The following RRP1B variants were observed in gnomAD, a reference collection of about 807,000 sequenced individuals.
RRP1B encodes the protein ribosomal RNA processing 1B, also known as ribosomal RNA processing protein 1 homolog B.
In RRP1B, 56 loss-of-function variants were observed where a neutral mutation model predicts 80.2. That is an observed-to-expected ratio of 0.70 (90% CI 0.56 to 0.87). The LOEUF (loss-of-function observed/expected upper bound fraction) is 0.87, where lower values mean the gene tolerates loss of function less well. Among genes scored for constraint, RRP1B ranks in the 40% least tolerant of loss-of-function variants. RRP1B has a pLI of 0.00. For missense variants in RRP1B, 807 were observed against 939.8 expected (o/e 0.86, Z 1.85); for synonymous variants, 351 against 357.6 (o/e 0.98, Z 0.21).
chr21:43,664,161 G>A lies in RRP1B; in HGVS notation c.130+4367G>A, dbSNP rs7279214. Among the ~76,000 whole-genome samples, 867 of 152,020 alleles carry A rather than the reference G, an allele frequency of 5.7e-3. 3 individuals are homozygous for A. Among genetic ancestry groups the A allele is most frequent in the African/African-American group, 0.02 (813 of 41,496 alleles). ...GTTTTAAAAGGGAACAAAATGGGCC[G>A]GGCGCAGTGGCTCACGCCTGTAATC... On this transcript the variant is annotated intron_variant, in intron 1 of 15. Transcript: ENST00000340648.
chr21:43,675,154 G>A lies in RRP1B; in HGVS notation c.540G>A (p.Gly180=), dbSNP rs761351336. 3.1e-6 allele frequency: 5 copies of A among 1,613,824 alleles called. No homozygotes were observed. In the South Asian group the frequency reaches 4.4e-5, roughly 14 times the overall value. The stretch of plus-strand genomic sequence containing the variant: ...ACCTGGATGAACTCTCCAAAGTCGG[G>A]GGGAAGGAGGTAAGCAGCTGCCGAC... ...DIYLDELSKV[G]GKELLADQNL... Residue 180 remains glycine, a synonymous_variant, in exon 6 of 16, where the codon GGG becomes GGA. Transcript: ENST00000340648.
chr21:43,660,319 T>G (rs565208017), intron 1 of RRP1B, among the ~76,000 whole-genome samples: 117 of 152,298 alleles, frequency 7.7e-4, no homozygotes, highest in Non-Finnish European at 1.1e-3. Context: ...ATCCCAGCAC[T>G]CTGGGAAGCC....
chr21:43,681,786 TA>T (rs1259426475), intron 8 of RRP1B, among the ~76,000 whole-genome samples: 1 of 144,880 alleles, frequency 6.9e-6, no homozygotes, highest in Non-Finnish European at 1.5e-5. Context: ...ACCTTGACTT[TA>T]CAAAAATTTT....
chr21:43,690,469 A>G (rs760312583), intron 14 of RRP1B, 29 bp downstream of exon 14: 2 of 1,608,496 alleles, frequency 1.2e-6, no homozygotes, highest in Non-Finnish European at 1.7e-6. Flanking sequence ...GTGGCACAGC[A>G]CATTTCACCA....
intron 8 of RRP1B, among the ~76,000 whole-genome samples, chr21:43,679,882 G>A (rs1211341352): frequency 6.6e-6 from 1 of 152,114 alleles, no homozygotes; most frequent in Non-Finnish European, 1.5e-5. Flanking sequence ...TATTCCTAAG[G>A]TTTTTGAGGT....
Position 43,686,886 on chromosome 21 carries a change from GA to G in RRP1B, c.1094del (p.Lys365ArgfsTer7). The G allele has an allele frequency of 6.2e-7, 1 of 1,614,038 alleles. No homozygotes were observed. The highest frequency in any genetic ancestry group is 8.5e-7 in the Non-Finnish European group (1 of 1,179,964). On this transcript the variant is annotated frameshift_variant, in exon 12 of 16. Coordinates refer to ENST00000340648, the MANE Select transcript of RRP1B (RefSeq NM_015056.3). LOFTEE classifies it high-confidence loss of function. The part of the protein sequence containing the change: ...DQILSQGKHK[K>X]KGNKLLEKTN... The stretch of plus-strand genomic sequence containing the variant: ...AAATCCTCAGTCAAGGAAAGCATAA[GA>G]AGAAAGGAAATAAACTTTTAGAGAA...
intron 9 of RRP1B, among the ~76,000 whole-genome samples, chr21:43,684,261 C>T (rs1172584006): frequency 4.6e-5 from 7 of 151,658 alleles, no homozygotes; most frequent in East Asian, 3.9e-4. Context: ...TTAGTAGAGA[C>T]GGGGTTTTGC....
rs2083065355 is a variant in RRP1B, at chr21:43,686,923, G to A, written c.1129G>A (p.Glu377Lys). 1 of 1,613,382 alleles carries A rather than the reference G, an allele frequency of 6.2e-7. No homozygotes were observed. The highest frequency in any genetic ancestry group is 1.1e-5 in the South Asian group (1 of 91,032). ...TAAACTTTTAGAGAAAACTAACTTG[G>A]AAAAGGAGAAAGGTAAGCTGTAAAG... is the stretch of plus-strand genomic sequence containing the variant. The part of the protein sequence containing the change: ...GNKLLEKTNL[E>K]KEKGSRVFCV... The change falls in exon 12 of 16, where the codon GAA becomes AAA. Residue 377 changes from glutamate to lysine, a missense_variant. Physicochemically the swap from Glu to Lys is moderately conservative, Grantham distance 56. Transcript: ENST00000340648.
chr21:43,672,301 T>C lies in RRP1B; in HGVS notation c.214-7T>C. 6.2e-7 allele frequency: 1 copy of C among 1,614,024 alleles called. No homozygotes were observed. The highest frequency in any genetic ancestry group is 8.5e-7 in the Non-Finnish European group (1 of 1,179,928). ...CCCCATGTTTCTCCCCAACCCCGCC[T>C]CTGCAGGAAGAGCTCGCCAACACCA... On this transcript the variant is annotated splice_polypyrimidine_tract_variant and splice_region_variant and intron_variant, in intron 2 of 15. Coordinates refer to ENST00000340648, the MANE Select transcript of RRP1B (RefSeq NM_015056.3).
rs1353907334 is a variant in RRP1B, at chr21:43,695,562, T to C, written c.*2179T>C. ...TCCCTTATTTTTAATGCCTAAGTTT[T>C]GACAGCAGGAAGAAAACAATTTTTT... is the stretch of plus-strand genomic sequence containing the variant. On this transcript the variant is annotated 3_prime_UTR_variant, in exon 16 of 16. Coordinates refer to ENST00000340648, the MANE Select transcript of RRP1B (RefSeq NM_015056.3). 6.6e-6 allele frequency: 1 copy of C among 152,228 alleles called. No individual in the cohort carries two copies. Among genetic ancestry groups the C allele is most frequent in the African/African-American group, 2.4e-5 (1 of 41,450 alleles). The allele number at this position is 152,228 out of a possible 1,614,324, so 9.4% of individuals were successfully genotyped here.
chr21:43,670,199 T>G (rs2082994156), intron 2 of RRP1B, among the ~76,000 whole-genome samples: 1 of 152,282 alleles, frequency 6.6e-6, no homozygotes, highest in African/African-American at 2.4e-5. Flanking sequence ...AATTTACTAT[T>G]TCTCTGTAAA....
chr21:43,674,586 CT>C (rs33994751), intron 4 of RRP1B, 49 bp from the exon 5 acceptor site: 35,083 of 388,590 alleles, frequency 0.09, 561 homozygotes, highest in African/African-American at 0.25. Flanking sequence ...CTTACCTTTC[CT>C]TTTTTTTTTT....
At chr21:43,662,896 A>C (rs1230205761) in intron 1 of RRP1B, among the ~76,000 whole-genome samples, 1 of 152,208 alleles carries the variant, frequency 6.6e-6, no homozygotes, top group Non-Finnish European at 1.5e-5. Context: ...AAAAATATTG[A>C]CTAAAATGGG....
intron 13 of RRP1B, among the ~76,000 whole-genome samples, chr21:43,689,034 C>T (rs2083075761): frequency 6.6e-6 from 1 of 152,240 alleles, no homozygotes; most frequent in South Asian, 2.1e-4. Flanking sequence ...CCTCGGCCTC[C>T]CAAAGTGCGG....
intron 1 of RRP1B, 92 bp from the exon 2 acceptor site, chr21:43,669,792 G>C: frequency 1.2e-6 from 1 of 836,862 alleles, no homozygotes; most frequent in East Asian, 2.6e-5. Context: ...AAACGAAAGA[G>C]AATTAAAATG....
rs577822755 is a variant in RRP1B at position 43,661,834 on chromosome 21, TTC to T, written c.130+2043_130+2044del. On this transcript the variant is annotated intron_variant, in intron 1 of 15. Coordinates refer to ENST00000340648, the MANE Select transcript of RRP1B (RefSeq NM_015056.3). ...TGGTTCTTGGTGTACAGCACACAAT[TTC>T]TCACCTCTCTGCCTTTGCTTCTCCT... Among the ~76,000 whole-genome samples the T allele has an allele frequency of 1.4e-3, 218 of 152,298 alleles. 1 individual carries two copies. The highest frequency in any genetic ancestry group is 5.0e-3 in the African/African-American group (208 of 41,554).
intron 1 of RRP1B, among the ~76,000 whole-genome samples, chr21:43,662,381 G>A (rs1056337340): frequency 1.3e-5 from 2 of 152,196 alleles, no homozygotes; most frequent in African/African-American, 2.4e-5. Context: ...CAGCATGAAC[G>A]TCGTGGACAG....
intron 8 of RRP1B, among the ~76,000 whole-genome samples, chr21:43,680,304 A>G (rs2083038365): frequency 6.6e-6 from 1 of 152,310 alleles, no homozygotes; most frequent in South Asian, 2.1e-4. Flanking sequence ...CCAGGCCCGT[A>G]ATCCCAGCAC....
chr21:43,676,703 A>G (rs993695452), intron 7 of RRP1B, 30 bp from the exon 8 acceptor site: 7 of 1,600,104 alleles, frequency 4.4e-6, no homozygotes, highest in Non-Finnish European at 6.0e-6. Flanking sequence ...TGTTCTCATC[A>G]CATGCTCTCC....
Sources: allele counts gnomAD v4.1 joint callset (sites outside exome capture counted in the v4.1 genomes callset), GRCh38; gene constraint gnomAD v4.1.1; transcripts MANE v1.5; gene names NCBI Gene and HGNC (gene_info 2026-07-23, HGNC 2026-07-21).